Variants in RUNDC3B observed in about 807,000 individuals in gnomAD.
The protein encoded by RUNDC3B is RUN domain containing 3B, also known as RUN domain-containing protein 3B.
RUNDC3B carries 33 observed loss-of-function variants against 58.4 expected under a neutral mutation model. The observed-to-expected ratio is 0.56, with a 90% CI of 0.43 to 0.75. The LOEUF (loss-of-function observed/expected upper bound fraction) is 0.75, where lower values mean the gene tolerates loss of function less well. Ranked by LOEUF, RUNDC3B falls within the 30% of genes least tolerant of loss-of-function variation. The pLI is 0.00. For missense variants in RUNDC3B, 501 were observed against 535.7 expected, an observed-to-expected ratio of 0.94 and a Z score of 0.64; for synonymous variants, 193 against 195.2, an observed-to-expected ratio of 0.99 and a Z score of 0.10.
intron 10 of RUNDC3B, among the ~76,000 whole-genome samples, chr7:87,817,148 C>G (rs1837092161): frequency 6.6e-6 from 1 of 152,186 alleles, no homozygotes; most frequent in Non-Finnish European, 1.5e-5. Context: ...AATATTGGCA[C>G]TATAGCCATT....
At chr7:87,633,692 C>G (rs541759011) in intron 1 of RUNDC3B, among the ~76,000 whole-genome samples, 1 of 151,746 alleles carries the variant, frequency 6.6e-6, no homozygotes, top group Non-Finnish European at 1.5e-5. Flanking sequence ...AAAAAGCACC[C>G]AGAGGCCTGA....
chr7:87,812,436 G>A (rs765349093), intron 9 of RUNDC3B, among the ~76,000 whole-genome samples: 44 of 151,880 alleles, frequency 2.9e-4, no homozygotes, highest in Admixed American at 2.4e-3. Context: ...TGGTGAAACC[G>A]CATCTCCACT....
intron 4 of RUNDC3B, among the ~76,000 whole-genome samples, chr7:87,718,235 G>A (rs1293923792): frequency 6.6e-6 from 1 of 152,108 alleles, no homozygotes; most frequent in Non-Finnish European, 1.5e-5. Flanking sequence ...CATATGGGCT[G>A]TGCTTAATTC....
chr7:87,807,559 G>A (rs1836503486), intron 9 of RUNDC3B, 40 bp downstream of exon 9: 2 of 1,469,494 alleles, frequency 1.4e-6, no homozygotes, highest in South Asian at 1.1e-5. Flanking sequence ...TTAATAGTTA[G>A]TTGTACCAAA....
At chr7:87,820,177 T>C (rs1006933829) in intron 10 of RUNDC3B, among the ~76,000 whole-genome samples, 1 of 151,862 alleles carries the variant, frequency 6.6e-6, no homozygotes, top group Non-Finnish European at 1.5e-5. Context: ...AAGAATCAAA[T>C]AGATGCAATA....
At chr7:87,660,248 GT>G (rs2130443929) in intron 2 of RUNDC3B, among the ~76,000 whole-genome samples, 1 of 152,196 alleles carries the variant, frequency 6.6e-6, no homozygotes, top group Admixed American at 6.5e-5. Context: ...GTGTATTTGT[GT>G]GTGTACATGC....
chr7:87,828,867 C>T (rs911939071), intron 10 of RUNDC3B, among the ~76,000 whole-genome samples: 1 of 152,126 alleles, frequency 6.6e-6, no homozygotes, highest in Non-Finnish European at 1.5e-5. Flanking sequence ...GTGTAACAGG[C>T]AAATAGAAAC....
rs1838090256 is a variant in RUNDC3B, at chr7:87,830,839, C to G, written c.*809C>G. ...AACAAACGTTGAAAAATTGTTTTGCCAGGAAAGAGTTCAAGTTCAGTTAAG... is the reference window on the plus strand; with the variant it reads ...AACAAACGTTGAAAAATTGTTTTGCGAGGAAAGAGTTCAAGTTCAGTTAAG... On this transcript the variant is annotated 3_prime_UTR_variant, in exon 11 of 11. Transcript: ENST00000394654. The G allele has an allele frequency of 6.6e-6, 1 of 151,390 alleles. No individual in the cohort carries two copies. Among genetic ancestry groups the G allele is most frequent in the African/African-American group, 2.4e-5 (1 of 41,244 alleles). The allele number at this position is 151,390 out of a possible 1,614,324, so 9.4% of individuals were successfully genotyped here.
intron 3 of RUNDC3B, among the ~76,000 whole-genome samples, chr7:87,702,797 G>A (rs1563146508): frequency 6.6e-6 from 1 of 152,102 alleles, no homozygotes; most frequent in African/African-American, 2.4e-5. Flanking sequence ...GCATCACCAT[G>A]ATGTTCAAAG....
chr7:87,669,540 G>A (rs1048253506), intron 2 of RUNDC3B, among the ~76,000 whole-genome samples: 19 of 152,044 alleles, frequency 1.2e-4, no homozygotes, highest in African/African-American at 4.6e-4. Flanking sequence ...TATTATGTTG[G>A]CTTTTTCTGT....
chr7:87,707,027 G>A lies in RUNDC3B; in HGVS notation c.373-3543G>A, dbSNP rs1471315689. The stretch of plus-strand genomic sequence containing the variant: ...TGAAAGACAATATCTTTGGAGTAAG[G>A]GAAATTCAGAAGATTAATACAAAAA... On this transcript the variant is annotated intron_variant, in intron 3 of 10. Transcript: ENST00000394654. 3.3e-5 allele frequency among the ~76,000 whole-genome samples: 5 copies of A among 152,108 alleles called. No homozygotes were observed. The South Asian group carries it at 8.3e-4, about 25-fold the overall frequency.
chr7:87,700,322 T>A (rs1409625410), intron 2 of RUNDC3B, 99 bp from the exon 3 acceptor site: 2 of 1,033,060 alleles, frequency 1.9e-6, no homozygotes, highest in East Asian at 2.6e-5. Context: ...TATAGTTCAC[T>A]ATATTACCTT....
intron 10 of RUNDC3B, among the ~76,000 whole-genome samples, chr7:87,828,546 CATG>C (rs1837961231): frequency 6.6e-6 from 1 of 152,174 alleles, no homozygotes; most frequent in Non-Finnish European, 1.5e-5. Context: ...CTGCAAAGGA[CATG>C]ATGTCATTCC....
intron 5 of RUNDC3B, among the ~76,000 whole-genome samples, chr7:87,740,542 G>A (rs1164543801): frequency 6.6e-6 from 1 of 151,898 alleles, no homozygotes; most frequent in African/African-American, 2.4e-5. Context: ...AAGGAATGAA[G>A]GAAATATTAT....
chr7:87,782,656 A>G (rs1235997338), intron 8 of RUNDC3B, among the ~76,000 whole-genome samples: 1 of 152,002 alleles, frequency 6.6e-6, no homozygotes, highest in Non-Finnish European at 1.5e-5. Flanking sequence ...AGATTTTGGT[A>G]TGTTGTATCT....
intron 6 of RUNDC3B, among the ~76,000 whole-genome samples, chr7:87,755,297 AGGTGTGAGCCAC>A (rs1337461764): frequency 1.3e-5 from 2 of 152,186 alleles, no homozygotes; most frequent in Non-Finnish European, 2.9e-5. Context: ...CTGGGATTAC[AGGTGTGAGCCAC>A]CATGCCTGGC....
At chr7:87,808,544 A>G (rs1446361964) in intron 9 of RUNDC3B, among the ~76,000 whole-genome samples, 5 of 152,120 alleles carry the variant, frequency 3.3e-5, no homozygotes, top group Admixed American at 6.6e-5. Flanking sequence ...GGAGACTTCA[A>G]TGCTTTTTCT....
chr7:87,693,391 GC>G (rs1419839599), intron 2 of RUNDC3B, among the ~76,000 whole-genome samples: 10 of 152,200 alleles, frequency 6.6e-5, no homozygotes, highest in African/African-American at 2.4e-4. Flanking sequence ...AAAATGAATG[GC>G]TACATTTCAA....
chr7:87,742,986 C>T (rs537203024), intron 6 of RUNDC3B, among the ~76,000 whole-genome samples: 6 of 152,064 alleles, frequency 3.9e-5, no homozygotes, highest in East Asian at 1.9e-4. Flanking sequence ...TGGTGGCACG[C>T]GCCTGTAGTC....
Sources: gnomAD v4.1 joint callset for allele counts (sites outside exome capture counted in the v4.1 genomes callset) on GRCh38, gnomAD v4.1.1 for gene constraint, MANE v1.5 for transcripts, NCBI Gene and HGNC (gene_info 2026-07-23, HGNC 2026-07-21) for gene names.